PARP12: variants seen among roughly 807,000 people sequenced by gnomAD.
PARP12 encodes the protein protein mono-ADP-ribosyltransferase PARP12.
In PARP12, 59 loss-of-function variants were observed where a neutral mutation model predicts 72.4. The observed-to-expected ratio is 0.81, with a 90% CI of 0.66 to 1.01. The LOEUF (loss-of-function observed/expected upper bound fraction) is 1.01, where lower values mean the gene tolerates loss of function less well. PARP12 is among the 50% of genes least tolerant of loss of function. PARP12 has a pLI of 0.00. For missense variants in PARP12, 851 were observed against 914.0 expected (o/e 0.93, Z 0.89); for synonymous variants, 403 against 371.4 (o/e 1.09, Z -0.98).
chr7:140,033,813 A>T (rs1816037164), intron 8 of PARP12: 1 of 987,112 alleles, frequency 1.0e-6, no homozygotes, highest in Admixed American at 6.1e-5. Flanking sequence ...CTGTTTTTAG[A>T]GTTTTGGTAT....
chr7:140,026,277 C>T lies in PARP12; in HGVS notation c.1700G>A (p.Ser567Asn), dbSNP rs2116510552. ...GCAGATGGCGTCCACAAAAATGGCG[C>T]TGGTGCCGTGGAACAGCTGCCGCTC... ...VDERQLFHGT[S>N]AIFVDAICQQ... Residue 567 changes from serine to asparagine, a missense_variant, in exon 11 of 12, where the codon AGC becomes AAC. Ser to Asn is a conservative substitution (Grantham distance 46, BLOSUM62 1). Around this residue, in one of 3 missense-constraint regions of PARP12, gnomAD observed 347 missense variants for 396.1 expected, o/e 0.88. Coordinates refer to ENST00000263549, the MANE Select transcript of PARP12 (RefSeq NM_022750.4). 2.5e-6 allele frequency: 4 copies of T among 1,613,882 alleles called. No homozygotes were observed. The highest frequency in any genetic ancestry group is 2.5e-6 in the Non-Finnish European group (3 of 1,180,042).
rs1816755870 is a variant in PARP12 at position 140,046,927 on chromosome 7, T to A, written c.943A>T (p.Met315Leu). The change falls in exon 5 of 12, where the codon ATG becomes TTG. Residue 315 changes from methionine (M) to leucine (L), a missense_variant. Met to Leu is a conservative substitution (Grantham distance 15). Transcript: ENST00000263549. The part of the protein sequence containing the change: ...DRGKWEDLDN[M>L]ELIEEAYCNP... ...CAATATGCCTCTTCAATAAGTTCCA[T>A]GTTGTCCAAATCCTCCCATTTGCCT... is the stretch of plus-strand genomic sequence containing the variant. The A allele has an allele frequency of 6.2e-7, 1 of 1,614,032 alleles. No individual in the cohort carries two copies. The highest frequency in any genetic ancestry group is 1.1e-5 in the South Asian group (1 of 91,076).
chr7:140,062,801 G>A lies in PARP12; in HGVS notation c.47C>T (p.Ala16Val). Reference sequence around the variant, plus strand: ...GGGCAACTCCAGGGCGCCCCCGGCCGCGCACAGCACCTGGGTGACCTCACC... The same window carrying A: ...GGGCAACTCCAGGGCGCCCCCGGCCACGCACAGCACCTGGGTGACCTCACC... ...VVGEVTQVLC[A>V]AGGALELPEL... The change falls in exon 1 of 12, where the codon GCG (alanine) becomes GTG (valine). Residue 16 changes from alanine (A) to valine (V), a missense_variant. Physicochemically the swap from Ala to Val is moderately conservative, Grantham distance 64. This residue lies in a region of PARP12 where 492 missense variants were observed against 489.3 expected (regional missense o/e 1.01). Coordinates refer to ENST00000263549, the MANE Select transcript of PARP12 (RefSeq NM_022750.4). 1 of 1,414,370 alleles carries A rather than the reference G, an allele frequency of 7.1e-7. No homozygotes were observed. The highest frequency in any genetic ancestry group is 2.6e-5 in the Admixed American group (1 of 38,916). 87.6% of individuals were successfully genotyped at this position (1,414,370 alleles called of 1,614,324 possible).
chr7:140,054,756 T>C lies in PARP12; in HGVS notation c.768A>G (p.Lys256=), dbSNP rs570229056. 3.9e-5 allele frequency: 63 copies of C among 1,612,122 alleles called. 2 individuals are homozygous for C. In the South Asian group the frequency reaches 5.8e-4, roughly 15 times the overall value. Residue 256 remains lysine (K), a synonymous_variant, in exon 4 of 12, where the codon AAA becomes AAG. Coordinates refer to ENST00000263549, the MANE Select transcript of PARP12 (RefSeq NM_022750.4). ...TTGGGGACACAGAACCTGAACTGTC[T>C]TTTCTTTCTGCAAAGAAACACCACA... The part of the protein sequence containing the change: ...LFVPQGTSER[K]DSSGSVSPNT...
Position 140,055,597 on chromosome 7 carries a change from C to T in PARP12, c.761-834G>A, listed in dbSNP as rs79151570. ...CACTCAAAATCTAGGTCTATGGGAC[C>T]CCGAAGGTCATCTCCCTCTCTCCCG... On this transcript the variant is annotated intron_variant, in intron 3 of 11. Coordinates refer to ENST00000263549, the MANE Select transcript of PARP12 (RefSeq NM_022750.4). Among the ~76,000 whole-genome samples the T allele has an allele frequency of 3.8e-3, 578 of 152,238 alleles. 3 individuals are homozygous for T. Among genetic ancestry groups the T allele is most frequent in the African/African-American group, 0.013 (556 of 41,538 alleles).
intron 5 of PARP12, among the ~76,000 whole-genome samples, chr7:140,043,556 C>T (rs1816585553): frequency 6.6e-6 from 1 of 151,946 alleles, no homozygotes; most frequent in Non-Finnish European, 1.5e-5. Context: ...GAGACAGAGT[C>T]TCACCCTGTC....
chr7:140,048,715 T>G (rs1422536393), intron 4 of PARP12, among the ~76,000 whole-genome samples: 1 of 152,248 alleles, frequency 6.6e-6, no homozygotes, highest in East Asian at 1.9e-4. Context: ...CATTTTGGCA[T>G]GTTTTGAACT....
rs565319619 is a variant in PARP12, at chr7:140,051,430, G to A, written c.862+3232C>T. Among the ~76,000 whole-genome samples, 35 of 149,650 alleles carry A rather than the reference G, an allele frequency of 2.3e-4. No individual in the cohort carries two copies. In the South Asian group the frequency reaches 5.9e-3, roughly 25 times the overall value. Reference sequence around the variant, plus strand: ...TTTTTAGACAGAGTTTCACTCTGTCGCCCAGGCTGGAGTGCAGTGGCACGG... The same window carrying A: ...TTTTTAGACAGAGTTTCACTCTGTCACCCAGGCTGGAGTGCAGTGGCACGG... On this transcript the variant is annotated intron_variant, in intron 4 of 11. Coordinates refer to ENST00000263549, the MANE Select transcript of PARP12 (RefSeq NM_022750.4).
At chr7:140,028,740 A>AATATACCAT (rs1815829913) in intron 8 of PARP12, 52 bp from the exon 9 acceptor site, 1 of 1,465,430 alleles carries the variant, frequency 6.8e-7, no homozygotes, top group South Asian at 1.2e-5. Flanking sequence ...ACACAAAGCA[A>AATATACCAT]ATATACCATA....
chr7:140,045,029 CTTTTTT>C (rs71520068), intron 5 of PARP12, among the ~76,000 whole-genome samples: 6 of 141,752 alleles, frequency 4.2e-5, no homozygotes, highest in Non-Finnish European at 7.8e-5. Flanking sequence ...GCATCTTTTT[CTTTTTT>C]TTTTTTTTAA....
intron 5 of PARP12, 148 bp from the exon 6 acceptor site, chr7:140,041,987 T>A: frequency 3.1e-6 from 2 of 636,868 alleles, no homozygotes; most frequent in East Asian, 5.5e-5. Flanking sequence ...AGGAAACTGC[T>A]TTTTCAGATC....
chr7:140,036,469 G>A (rs1334658581), intron 7 of PARP12, among the ~76,000 whole-genome samples: 1 of 152,120 alleles, frequency 6.6e-6, no homozygotes, highest in African/African-American at 2.4e-5. Context: ...CACTCTAGAG[G>A]AGAAAAACTT....
At chr7:140,027,631 C>G in intron 9 of PARP12, 1 of 393,372 alleles carries the variant, frequency 2.5e-6, no homozygotes, top group Non-Finnish European at 4.7e-6. Context: ...CAACAAACCT[C>G]TTGTTTATGT....
At chr7:140,028,797 C>A in intron 8 of PARP12, 109 bp from the exon 9 acceptor site, 1 of 897,780 alleles carries the variant, frequency 1.1e-6, no homozygotes, top group South Asian at 1.6e-5. Flanking sequence ...CTCAGCACAT[C>A]ATATTTCAAG....
chr7:140,060,391 G>A (rs1161887462), intron 1 of PARP12, among the ~76,000 whole-genome samples: 3 of 152,180 alleles, frequency 2.0e-5, no homozygotes, highest in East Asian at 1.9e-4. Context: ...CTGCGGTTCA[G>A]GAAGACAAGC....
chr7:140,025,624 A>G (rs1358156999), intron 11 of PARP12: 1 of 447,442 alleles, frequency 2.2e-6, no homozygotes, highest in East Asian at 7.0e-5. Flanking sequence ...AGAAAGAGAG[A>G]AGTGGCAGCA....
intron 3 of PARP12, 57 bp downstream of exon 3, chr7:140,056,799 C>T: frequency 3.4e-6 from 5 of 1,492,476 alleles, no homozygotes; most frequent in Non-Finnish European, 4.5e-6. Flanking sequence ...TCCGGGAACC[C>T]CCAGCCCAGG....
rs184559599 is a variant in PARP12 at position 140,030,281 on chromosome 7, T to C, written c.1422-1593A>G. 4.6e-5 allele frequency among the ~76,000 whole-genome samples: 7 copies of C among 152,230 alleles called. No homozygotes were observed. In the East Asian group the frequency reaches 1.4e-3, roughly 29 times the overall value. ...CCAAAATTCTATACCCAGTGAAAAT[T>C]TCCTTCAAGATTGATGGCAAAATAA... On this transcript the variant is annotated intron_variant, in intron 8 of 11. Coordinates refer to ENST00000263549, the MANE Select transcript of PARP12 (RefSeq NM_022750.4).
At chr7:140,059,949 G>A (rs1817372347) in intron 1 of PARP12, among the ~76,000 whole-genome samples, 8 of 152,166 alleles carry the variant, frequency 5.3e-5, no homozygotes, top group Admixed American at 5.2e-4. Flanking sequence ...GCAAGAGAAA[G>A]GAAGAACATT....
Sources: gnomAD v4.1 joint callset for allele counts (sites outside exome capture counted in the v4.1 genomes callset) on GRCh38, gnomAD v4.1.1 for gene constraint, gnomAD v4.1.1 regional missense constraint, MANE v1.5 for transcripts, NCBI Gene and HGNC (gene_info 2026-07-23, HGNC 2026-07-21) for gene names.